ADAMTS19: variants seen among roughly 807,000 people sequenced by gnomAD.
ADAMTS19 encodes the protein A disintegrin and metalloproteinase with thrombospondin motifs 19.
A neutral mutation model predicts 153.3 loss-of-function variants in ADAMTS19; 93 were observed. The observed-to-expected ratio is 0.61, with a 90% CI of 0.51 to 0.72. ADAMTS19 has a LOEUF of 0.72. Among genes scored for constraint, ADAMTS19 ranks in the 30% least tolerant of loss-of-function variants. ADAMTS19 has a pLI of 0.00. For synonymous variants in ADAMTS19, 600 were observed against 556.6 expected (o/e 1.08, Z -1.10); for missense variants, 1,482 against 1,552.1 (o/e 0.95, Z 0.76).
At chr5:129,604,359 A>G (rs1480138276) in intron 8 of ADAMTS19, among the ~76,000 whole-genome samples, 2 of 152,126 alleles carry the variant, frequency 1.3e-5, no homozygotes, top group Non-Finnish European at 2.9e-5. Context: ...CTCAAAGTTC[A>G]TATACCCCCT....
intron 8 of ADAMTS19, among the ~76,000 whole-genome samples, chr5:129,599,799 TATAGAGCTGTACCCAAAATCA>T (rs1750559999): frequency 6.6e-6 from 1 of 152,176 alleles, no homozygotes; most frequent in South Asian, 2.1e-4. Flanking sequence ...ATTTGACTTT[TATAGAGCTGTACCCAAAATCA>T]ATAGAGATGT....
Position 129,620,642 on chromosome 5 carries a change from C to T in ADAMTS19, c.1503C>T (p.Asp501=), listed in dbSNP as rs757761499. The T allele has an allele frequency of 6.2e-7, 1 of 1,606,334 alleles. No individual in the cohort carries two copies. The highest frequency in any genetic ancestry group is 8.5e-7 in the Non-Finnish European group (1 of 1,175,784). ...GHNMGINHDN[D]HPSCADGLHI... ...GCATGGGCATTAACCATGACAATGA[C>T]CACCCATCGTGTGCTGATGGTCTTC... The change falls in exon 9 of 23, where the codon GAC becomes GAT. Residue 501 remains aspartate (D), a synonymous_variant. Coordinates refer to ENST00000274487, the MANE Select transcript of ADAMTS19 (RefSeq NM_133638.6).
intron 15 of ADAMTS19, 68 bp from the exon 16 acceptor site, chr5:129,665,431 C>A: frequency 1.5e-6 from 2 of 1,322,900 alleles, no homozygotes; most frequent in Non-Finnish European, 2.1e-6. Context: ...AAACAAAAGG[C>A]AAGTCAATGA....
chr5:129,477,809 G>A (rs1299675082), intron 2 of ADAMTS19, among the ~76,000 whole-genome samples: 2 of 152,166 alleles, frequency 1.3e-5, no homozygotes, highest in African/African-American at 2.4e-5. Flanking sequence ...GCATAGGATT[G>A]TAAGAAAATA....
intron 10 of ADAMTS19, among the ~76,000 whole-genome samples, chr5:129,639,127 C>T (rs1351364186): frequency 6.6e-6 from 1 of 152,020 alleles, no homozygotes; most frequent in Non-Finnish European, 1.5e-5. Flanking sequence ...GAGTTATTTT[C>T]GTAACTGACC....
At chr5:129,687,905 C>T in intron 18 of ADAMTS19, among the ~76,000 whole-genome samples, 1 of 152,094 alleles carries the variant, frequency 6.6e-6, no homozygotes, top group Non-Finnish European at 1.5e-5. Flanking sequence ...CTTCAAATGG[C>T]TGATTTTATA....
At chr5:129,500,444 C>T (rs992706228) in intron 2 of ADAMTS19, 1 of 152,110 alleles carries the variant, frequency 6.6e-6, no homozygotes, top group Non-Finnish European at 1.5e-5. Flanking sequence ...TTGGGAGACT[C>T]TTTTCTTCAG....
intron 2 of ADAMTS19, among the ~76,000 whole-genome samples, chr5:129,497,603 T>C (rs1750968036): frequency 6.6e-6 from 1 of 152,132 alleles, no homozygotes; most frequent in Admixed American, 6.6e-5. Flanking sequence ...ATATCTCAAT[T>C]ACAGGCAGCT....
intron 7 of ADAMTS19, among the ~76,000 whole-genome samples, chr5:129,583,809 C>T (rs940034992): frequency 1.3e-5 from 2 of 151,848 alleles, no homozygotes; most frequent in African/African-American, 2.4e-5. Flanking sequence ...TTAGCAATTC[C>T]GCTAACCATT....
chr5:129,673,189 C>T (rs77173929), intron 16 of ADAMTS19, among the ~76,000 whole-genome samples: 3 of 151,936 alleles, frequency 2.0e-5, no homozygotes, highest in Admixed American at 6.6e-5. Flanking sequence ...GACTTCTGCC[C>T]TTTATTAGTT....
intron 10 of ADAMTS19, among the ~76,000 whole-genome samples, chr5:129,633,085 C>T (rs1401278916): frequency 6.6e-6 from 1 of 152,052 alleles, no homozygotes; most frequent in Non-Finnish European, 1.5e-5. Flanking sequence ...TTTTCCCTTT[C>T]TCCTTCAGAG....
At chr5:129,598,630 C>T (rs1750498033) in intron 8 of ADAMTS19, among the ~76,000 whole-genome samples, 1 of 152,106 alleles carries the variant, frequency 6.6e-6, no homozygotes, top group Non-Finnish European at 1.5e-5. Flanking sequence ...AATGTGTATA[C>T]ATTGTGGAAT....
At chr5:129,524,068 G>C (rs1751918396) in intron 3 of ADAMTS19, among the ~76,000 whole-genome samples, 1 of 151,948 alleles carries the variant, frequency 6.6e-6, no homozygotes, top group Non-Finnish European at 1.5e-5. Context: ...ACTACCACAA[G>C]GCTATAGTAA....
intron 21 of ADAMTS19, among the ~76,000 whole-genome samples, chr5:129,716,198 A>G (rs1476057108): frequency 6.6e-6 from 1 of 151,220 alleles, no homozygotes; most frequent in Non-Finnish European, 1.5e-5. Flanking sequence ...TTTTTTTTGT[A>G]TTTGTATTTA....
chr5:129,480,375 C>A (rs1388927066), intron 2 of ADAMTS19, among the ~76,000 whole-genome samples: 1 of 152,042 alleles, frequency 6.6e-6, no homozygotes. Context: ...AAAGCTACAA[C>A]CTTAAAAGAA....
At chr5:129,526,651 G>T in intron 4 of ADAMTS19, 195 bp downstream of exon 4, 2 of 500,890 alleles carry the variant, frequency 4.0e-6, no homozygotes, top group East Asian at 3.7e-5. Flanking sequence ...TTCACATCTT[G>T]TAAACCCTTG....
intron 2 of ADAMTS19, among the ~76,000 whole-genome samples, chr5:129,491,185 G>A (rs1423897915): frequency 3.3e-5 from 5 of 151,974 alleles, no homozygotes; most frequent in Non-Finnish European, 4.4e-5. Flanking sequence ...TGTATTTTTA[G>A]TAGAGACAGG....
At chr5:129,524,751 C>A (rs1751945239) in intron 3 of ADAMTS19, among the ~76,000 whole-genome samples, 3 of 150,888 alleles carry the variant, frequency 2.0e-5, no homozygotes, top group African/African-American at 7.3e-5. Context: ...TATCCCAGAA[C>A]TTGAAGGGAA....
intron 10 of ADAMTS19, among the ~76,000 whole-genome samples, chr5:129,627,397 A>G (rs1016164479): frequency 6.6e-6 from 1 of 152,120 alleles, no homozygotes; most frequent in Non-Finnish European, 1.5e-5. Context: ...CTAAAACTGT[A>G]AAAACCCTGG....
Sources: allele counts gnomAD v4.1 joint callset (sites outside exome capture counted in the v4.1 genomes callset), GRCh38; gene constraint gnomAD v4.1.1; transcripts MANE v1.5; gene names NCBI Gene and HGNC (gene_info 2026-07-23, HGNC 2026-07-21).